The following ADGRL3 variants were observed in gnomAD, a reference collection of about 807,000 sequenced individuals.
The protein encoded by ADGRL3 is adhesion G protein-coupled receptor L3, also known as calcium-independent alpha-latrotoxin receptor 3.
ADGRL3 carries 62 observed loss-of-function variants against 153.5 expected under a neutral mutation model. The ratio of observed to expected loss-of-function variants is 0.40; its 90% CI spans 0.33 to 0.50. The LOEUF is 0.50. Ranked by LOEUF, ADGRL3 falls within the 20% of genes least tolerant of loss-of-function variation. The pLI, the probability that ADGRL3 is intolerant of heterozygous loss-of-function variation, is 0.47. For missense variants in ADGRL3, 1,641 were observed against 1,859.4 expected, an observed-to-expected ratio of 0.88 and a Z score of 2.16; for synonymous variants, 710 against 672.5, an observed-to-expected ratio of 1.06 and a Z score of -0.86.
chr4:61,965,995 T>C (rs189076207), intron 17 of ADGRL3, among the ~76,000 whole-genome samples: 37 of 152,280 alleles, frequency 2.4e-4, no homozygotes, highest in Admixed American at 1.6e-3. Flanking sequence ...ACTAAGCCTG[T>C]GGGATAATTG....
At chr4:61,892,006 T>C (rs2098591075) in intron 9 of ADGRL3, among the ~76,000 whole-genome samples, 1 of 152,184 alleles carries the variant, frequency 6.6e-6, no homozygotes, top group East Asian at 1.9e-4. Flanking sequence ...GTTGTAACTA[T>C]TTGGAAACTA....
At chr4:61,272,472 G>A (rs1340522781) in intron 1 of ADGRL3, among the ~76,000 whole-genome samples, 1 of 151,918 alleles carries the variant, frequency 6.6e-6, no homozygotes, top group Non-Finnish European at 1.5e-5. Flanking sequence ...TGCATTTTAT[G>A]TAATGAGGAC....
At chr4:61,734,401 G>T (rs2096482749) in intron 8 of ADGRL3, among the ~76,000 whole-genome samples, 2 of 152,152 alleles carry the variant, frequency 1.3e-5, no homozygotes, top group Admixed American at 1.3e-4. Context: ...TTGACTCACA[G>T]TTCCACATGG....
chr4:61,559,184 CAATGGT>C (rs1012081310), intron 4 of ADGRL3, among the ~76,000 whole-genome samples: 1 of 152,136 alleles, frequency 6.6e-6, no homozygotes, highest in African/African-American at 2.4e-5. Flanking sequence ...AAGCACCTGG[CAATGGT>C]AGCAGCTTAA....
At chr4:61,978,533 T>G (rs2099056008) in intron 17 of ADGRL3, among the ~76,000 whole-genome samples, 1 of 152,184 alleles carries the variant, frequency 6.6e-6, no homozygotes, top group African/African-American at 2.4e-5. Flanking sequence ...TTGACAGTCA[T>G]AAACAATTTC....
At chr4:61,346,123 AG>A (rs1326773917) in intron 1 of ADGRL3, among the ~76,000 whole-genome samples, 1 of 152,108 alleles carries the variant, frequency 6.6e-6, no homozygotes, top group African/African-American at 2.4e-5. Context: ...GTCAGTGACT[AG>A]GCATACTGGT....
At chr4:61,334,852 G>T (rs998671155) in intron 1 of ADGRL3, among the ~76,000 whole-genome samples, 3 of 152,086 alleles carry the variant, frequency 2.0e-5, no homozygotes, top group Non-Finnish European at 4.4e-5. Context: ...TTTAGGAAGA[G>T]ATCTGTCATC....
chr4:61,777,202 G>A lies in ADGRL3; in HGVS notation c.1400-36607G>A, dbSNP rs186827590. Among the ~76,000 whole-genome samples the A allele has an allele frequency of 6.6e-3, 1,001 of 152,038 alleles. 16 individuals carry two copies. The highest frequency in any genetic ancestry group is 0.023 in the African/African-American group (948 of 41,462). On this transcript the variant is annotated intron_variant, in intron 8 of 26. Coordinates refer to ENST00000683033, the MANE Select transcript of ADGRL3 (RefSeq NM_001387552.1). ...CAAAAAATTAGCCGGGCGTGGTGGCGGGCACCTGTAGAACCAGCTACTCGG... is the reference window on the plus strand; with the variant it reads ...CAAAAAATTAGCCGGGCGTGGTGGCAGGCACCTGTAGAACCAGCTACTCGG...
chr4:61,247,669 A>C (rs1380878287), intron 1 of ADGRL3, among the ~76,000 whole-genome samples: 1 of 152,020 alleles, frequency 6.6e-6, no homozygotes, highest in East Asian at 1.9e-4. Context: ...TAGCATTTAC[A>C]TTCTGTAGTT....
rs138289310 is a variant in ADGRL3 at position 61,272,778 on chromosome 4, A to T, written c.-240+71013A>T. Among the ~76,000 whole-genome samples, 1,179 of 152,298 alleles carry T rather than the reference A, an allele frequency of 7.7e-3. 5 individuals carry two copies. The highest frequency in any genetic ancestry group is 0.02 in the Middle Eastern group (6 of 294). On this transcript the variant is annotated intron_variant, in intron 1 of 26. Transcript: ENST00000683033. ...AGGAAATGATCTTCATTTAAAGTAA[A>T]ACTTACTGAGGGTTTGTGTAATCAA...
chr4:61,549,246 A>G (rs928224518), intron 4 of ADGRL3, among the ~76,000 whole-genome samples: 2 of 151,970 alleles, frequency 1.3e-5, no homozygotes, highest in Admixed American at 6.6e-5. Context: ...TTTTCTAGGT[A>G]TAGAATCATA....
chr4:61,871,072 A>G lies in ADGRL3; in HGVS notation c.1481-21584A>G, dbSNP rs189243371. 3.0e-3 allele frequency among the ~76,000 whole-genome samples: 464 copies of G among 152,162 alleles called. 3 individuals carry two copies. Among genetic ancestry groups the G allele is most frequent in the South Asian group, 1.0e-2 (48 of 4,814 alleles). On this transcript the variant is annotated intron_variant, in intron 9 of 26. Coordinates refer to ENST00000683033, the MANE Select transcript of ADGRL3 (RefSeq NM_001387552.1). Reference sequence around the variant, plus strand: ...GGCGGGCGAATCACGAGGTCAGGAGATCGAGACCATCCTGGCTAACACGGT... The same window carrying G: ...GGCGGGCGAATCACGAGGTCAGGAGGTCGAGACCATCCTGGCTAACACGGT...
intron 1 of ADGRL3, among the ~76,000 whole-genome samples, chr4:61,341,233 G>C (rs2095802113): frequency 6.6e-6 from 1 of 151,830 alleles, no homozygotes; most frequent in Non-Finnish European, 1.5e-5. Context: ...TAAATTTTGA[G>C]GAATAGCTAT....
chr4:61,971,264 G>T (rs57257631), intron 17 of ADGRL3, among the ~76,000 whole-genome samples: 12 of 151,534 alleles, frequency 7.9e-5, no homozygotes, highest in Admixed American at 6.6e-4. Context: ...CCATTAACTC[G>T]TCATTTAGCA....
chr4:61,960,241 C>T (rs2098982772), intron 17 of ADGRL3, among the ~76,000 whole-genome samples: 1 of 152,050 alleles, frequency 6.6e-6, no homozygotes, highest in South Asian at 2.1e-4. Context: ...TTGTTTACTT[C>T]TTCCTCTTGT....
Position 61,813,312 on chromosome 4 carries a change from T to A in ADGRL3, c.1400-497T>A, listed in dbSNP as rs150806516. 1.2e-3 allele frequency among the ~76,000 whole-genome samples: 182 copies of A among 152,200 alleles called. 3 individuals carry two copies. In the East Asian group the frequency reaches 0.032, roughly 26 times the overall value. On this transcript the variant is annotated intron_variant, in intron 8 of 26. Transcript: ENST00000683033. Reference sequence around the variant, plus strand: ...AGGAGGCTGAGGCAGGAGAACAGCTTGAACCCTGGAGGCGGAGGTTGCAGT... The same window carrying A: ...AGGAGGCTGAGGCAGGAGAACAGCTAGAACCCTGGAGGCGGAGGTTGCAGT...
At chr4:61,338,671 CT>C (rs2095739628) in intron 1 of ADGRL3, among the ~76,000 whole-genome samples, 1 of 151,976 alleles carries the variant, frequency 6.6e-6, no homozygotes, top group South Asian at 2.1e-4. Context: ...ACAATTTATC[CT>C]TTGTATACTT....
rs374339158 is a variant in ADGRL3 at position 61,867,304 on chromosome 4, G to T, written c.1481-25352G>T. On this transcript the variant is annotated intron_variant, in intron 9 of 26. Coordinates refer to ENST00000683033, the MANE Select transcript of ADGRL3 (RefSeq NM_001387552.1). ...ACTTGAGCTCAGGAGTTTGAGACTA[G>T]CCTGAGCAACATGGGGAAACCCTGT... 2.0e-4 allele frequency among the ~76,000 whole-genome samples: 30 copies of T among 151,520 alleles called. No individual in the cohort carries two copies. The East Asian group carries it at 4.9e-3, about 25-fold the overall frequency.
At chr4:61,933,489 G>A (rs939601232) in intron 13 of ADGRL3, among the ~76,000 whole-genome samples, 3 of 152,028 alleles carry the variant, frequency 2.0e-5, no homozygotes, top group Non-Finnish European at 4.4e-5. Context: ...ACTCGTGAGA[G>A]ACTTTTTCGA....
Sources: allele counts gnomAD v4.1 joint callset (sites outside exome capture counted in the v4.1 genomes callset), GRCh38; gene constraint gnomAD v4.1.1; transcripts MANE v1.5; gene names NCBI Gene and HGNC (gene_info 2026-07-23, HGNC 2026-07-21).